CAPG: variants seen among roughly 807,000 people sequenced by gnomAD.
The protein encoded by CAPG is capping actin protein, gelsolin like.
In CAPG, 32 loss-of-function variants were observed where a neutral mutation model predicts 44.6. That is an observed-to-expected ratio of 0.72 (90% CI 0.54 to 0.96). The LOEUF is 0.96. Among genes scored for constraint, CAPG ranks in the 50% least tolerant of loss-of-function variants. The pLI is 0.00. For synonymous variants in CAPG, 175 were observed against 179.6 expected (o/e 0.97, Z 0.20); for missense variants, 412 against 438.3 (o/e 0.94, Z 0.54).
intron 8 of CAPG, 101 bp downstream of exon 8, chr2:85,397,919 G>T: frequency 8.1e-7 from 1 of 1,229,936 alleles, no homozygotes; most frequent in Non-Finnish European, 1.1e-6. Flanking sequence ...TCCTGAGGCT[G>T]TCTTTTACAA....
chr2:85,417,477 C>CTTT (rs1242085864), intron 1 of CAPG, among the ~76,000 whole-genome samples: 68 of 101,036 alleles, frequency 6.7e-4, no homozygotes, highest in Non-Finnish European at 7.7e-4. Context: ...TATCTCAGCT[C>CTTT]TTTTTTTTTT....
rs867161565 is a variant in CAPG at position 85,401,190 on chromosome 2, TC to T, written c.490del (p.Asp164ThrfsTer57). The T allele has an allele frequency of 6.2e-7, 1 of 1,613,934 alleles. No homozygotes were observed. The highest frequency in any genetic ancestry group is 1.3e-5 in the African/African-American group (1 of 74,894). On this transcript the variant is annotated frameshift_variant, in exon 5 of 10. Transcript: ENST00000263867. LOFTEE classifies it high-confidence loss of function. ...ALNWDSFNTGDCFILDLGQNI... is the reference protein window; with the variant it reads ...ALNWDSFNTGXCFILDLGQNI... The stretch of plus-strand genomic sequence containing the variant: ...CTGGCCCAGGTCCAGGATGAAGCAG[TC>T]CCCAGTGTTGAAGCTGTCCCAGTTC...
Position 85,399,195 on chromosome 2 carries a change from G to A in CAPG, c.607C>T (p.Gln203Ter), listed in dbSNP as rs758897613. Residue 203 changes from glutamine to a stop codon, truncating the protein, a stop_gained, in exon 6 of 10, where the codon CAG becomes TAG. Transcript: ENST00000263867. LOFTEE classifies it high-confidence loss of function. ...LALAIRDSERQGKAQVEIVTD... is the reference protein window; with the variant it reads ...LALAIRDSER Reference sequence around the variant, plus strand: ...ACAATCTCCACCTGGGCCTTGCCCTGTCGCTCACTGTCCCGGATGGCCAGG... The same window carrying A: ...ACAATCTCCACCTGGGCCTTGCCCTATCGCTCACTGTCCCGGATGGCCAGG... 18 of 1,614,122 alleles carry A rather than the reference G, an allele frequency of 1.1e-5. No homozygotes were observed. In the South Asian group the frequency reaches 1.6e-4, roughly 15 times the overall value.
At chr2:85,414,430 ATT>A (rs34698883), upstream of CAPG, among the ~76,000 whole-genome samples, 683 of 129,452 alleles carry the variant, frequency 5.3e-3, 3 homozygotes, top group African/African-American at 8.1e-3. Context: ...CAGAACTAAG[ATT>A]TTTTTTTTTT....
At chr2:85,394,238 G>A (rs1048927653), downstream of CAPG, among the ~76,000 whole-genome samples, 2 of 152,272 alleles carry the variant, frequency 1.3e-5, no homozygotes, top group African/African-American at 4.8e-5. Flanking sequence ...GGATCACAGA[G>A]GCAGGGTAAG....
chr2:85,404,656 G>A (rs1183371254), intron 1 of CAPG, among the ~76,000 whole-genome samples: 2 of 152,116 alleles, frequency 1.3e-5, no homozygotes, highest in African/African-American at 2.4e-5. Context: ...GCTGAGGCAG[G>A]AGAATTGCTT....
At chr2:85,416,224 A>G (rs1687548989) in intron 1 of CAPG, among the ~76,000 whole-genome samples, 2 of 151,976 alleles carry the variant, frequency 1.3e-5, no homozygotes, top group South Asian at 4.1e-4. Flanking sequence ...GTGCCCATAA[A>G]CTCGGGGTAT....
upstream of CAPG, among the ~76,000 whole-genome samples, chr2:85,414,876 T>C (rs1172019246): frequency 6.6e-6 from 1 of 152,212 alleles, no homozygotes; most frequent in Non-Finnish European, 1.5e-5. Flanking sequence ...GGGTCCACAC[T>C]TCCGCCTTGG....
chr2:85,394,919 T>C lies in CAPG; in HGVS notation c.1021A>G (p.Lys341Glu), dbSNP rs1219952890. The C allele has an allele frequency of 1.2e-6, 2 of 1,613,410 alleles. No individual in the cohort carries two copies. The highest frequency in any genetic ancestry group is 2.2e-5 in the South Asian group (2 of 91,070). ...LPQGHESPIF[K>E]QFFKDWK ...CATTTCCAGTCCTTGAAAAATTGCT[T>C]GAAGATGGGACTCTCATGGCCCTGA... is the stretch of plus-strand genomic sequence containing the variant. The change falls in exon 10 of 10, where the codon AAG becomes GAG. Residue 341 changes from lysine (K) to glutamate (E), a missense_variant. Transcript: ENST00000263867.
intron 1 of CAPG, among the ~76,000 whole-genome samples, chr2:85,407,917 C>A (rs1687238578): frequency 6.6e-6 from 1 of 151,962 alleles, no homozygotes; most frequent in Admixed American, 6.6e-5. Flanking sequence ...ACCTTTTGTT[C>A]CAGTCTCTCC....
intron 1 of CAPG, among the ~76,000 whole-genome samples, chr2:85,403,247 T>C (rs1686989335): frequency 6.6e-6 from 1 of 152,182 alleles, no homozygotes; most frequent in South Asian, 2.1e-4. Flanking sequence ...CAACCACTTA[T>C]ATAAAATGGG....
chr2:85,412,652 C>T (rs764200320), upstream of CAPG, among the ~76,000 whole-genome samples: 5 of 151,966 alleles, frequency 3.3e-5, no homozygotes, highest in Non-Finnish European at 7.4e-5. Context: ...CCCCATGACA[C>T]GAGTTTACCT....
At chr2:85,394,487 C>G (rs1686493043), downstream of CAPG, among the ~76,000 whole-genome samples, 1 of 152,234 alleles carries the variant, frequency 6.6e-6, no homozygotes, top group South Asian at 2.1e-4. Context: ...CATCCCAAGC[C>G]CATTGCCACA....
chr2:85,396,364 T>G (rs574712573), intron 8 of CAPG, among the ~76,000 whole-genome samples: 1,587 of 86,698 alleles, frequency 0.018, 25 homozygotes, highest in African/African-American at 0.081. Flanking sequence ...TTTGGGGGGT[T>G]TTTTTTTTGT....
chr2:85,394,778 T>G lies in CAPG; in HGVS notation c.*115A>C. ...TGCAGGAAAAGAGCTGGGAAAGCACTTGTCTCCTTTATTGAACATCTGCAG... is the reference window on the plus strand; with the variant it reads ...TGCAGGAAAAGAGCTGGGAAAGCACGTGTCTCCTTTATTGAACATCTGCAG... On this transcript the variant is annotated 3_prime_UTR_variant, in exon 10 of 10. Coordinates refer to ENST00000263867, the MANE Select transcript of CAPG (RefSeq NM_001747.4). 1 of 789,532 alleles carries G rather than the reference T, an allele frequency of 1.3e-6. No individual in the cohort carries two copies. Among genetic ancestry groups the G allele is most frequent in the Non-Finnish European group, 2.3e-6 (1 of 438,126 alleles). The allele number at this position is 789,532 out of a possible 1,614,324, so 48.9% of individuals were successfully genotyped here. A position where few individuals can be genotyped will look rare whatever the true frequency, so the allele number is the denominator to read the frequency against.
At chr2:85,392,248 GGCGTGGTGGCGGAT>G (rs1686410731), downstream of CAPG, among the ~76,000 whole-genome samples, 1 of 152,184 alleles carries the variant, frequency 6.6e-6, no homozygotes, top group African/African-American at 2.4e-5. Flanking sequence ...AAATTAGCCG[GGCGTGGTGGCGGAT>G]GCCTGTAGTC....
chr2:85,406,756 G>C (rs544242576), intron 1 of CAPG, among the ~76,000 whole-genome samples: 18 of 151,862 alleles, frequency 1.2e-4, no homozygotes, highest in African/African-American at 4.3e-4. Context: ...TATTCGGGAG[G>C]CTGAGGCAGG....
intron 6 of CAPG, 105 bp from the exon 7 acceptor site, chr2:85,398,887 C>G: frequency 3.3e-6 from 3 of 916,008 alleles, no homozygotes; most frequent in Non-Finnish European, 3.3e-6. Context: ...CTGCGCCCTG[C>G]ACTAGGGCAC....
chr2:85,409,012 A>G (rs958378795), intron 1 of CAPG, among the ~76,000 whole-genome samples: 13 of 152,056 alleles, frequency 8.5e-5, no homozygotes, highest in Admixed American at 8.5e-4. Flanking sequence ...CCTCTTCTAC[A>G]CCTCTTAAAG....
Sources: gnomAD v4.1 joint callset for allele counts (sites outside exome capture counted in the v4.1 genomes callset) on GRCh38, gnomAD v4.1.1 for gene constraint, MANE v1.5 for transcripts, NCBI Gene and HGNC (gene_info 2026-07-23, HGNC 2026-07-21) for gene names.